The following TASP1 variants were observed in gnomAD, a reference collection of about 807,000 sequenced individuals.
TASP1 encodes the protein taspase 1, also known as threonine aspartase 1.
Under a neutral mutation model 56.6 loss-of-function variants are expected in TASP1, and 16 were observed. The observed-to-expected ratio is 0.28, with a 90% confidence interval of 0.19 to 0.43. The LOEUF (loss-of-function observed/expected upper bound fraction) is 0.43, where lower values mean the gene tolerates loss of function less well. Among genes scored for constraint, TASP1 ranks in the 20% least tolerant of loss-of-function variants. TASP1 has a pLI of 1.00. For synonymous variants in TASP1, 179 were observed against 184.2 expected (o/e 0.97, Z 0.23); for missense variants, 393 against 511.6 (o/e 0.77, Z 2.24).
the TASP1 span, among the ~76,000 whole-genome samples, chr20:13,125,021 C>T: frequency 6.6e-6 from 1 of 152,174 alleles, no homozygotes; most frequent in Non-Finnish European, 1.5e-5. Context: ...TTAAAGACCC[C>T]ACTGCTAATG....
In TASP1 at chr20:13,560,057, T is replaced by A. The variant is rs921159676; in HGVS notation, c.569-943A>T. On this transcript the variant is annotated intron_variant, in intron 7 of 13. Coordinates refer to ENST00000337743, the MANE Select transcript of TASP1 (RefSeq NM_017714.3). ...AAGATGATAAACTGACTAGGCTGAA[T>A]TGAAGAACAAATAGAGCTTCAATCA... 2.0e-5 allele frequency among the ~76,000 whole-genome samples: 3 copies of A among 152,164 alleles called. No individual in the cohort carries two copies. The South Asian group carries it at 6.2e-4, about 31-fold the overall frequency.
chr20:13,581,031 T>C (rs750015773), intron 5 of TASP1, 50 bp from the exon 6 acceptor site: 30 of 1,550,666 alleles, frequency 1.9e-5, no homozygotes, highest in East Asian at 1.6e-4. Context: ...AAATGTCTTC[T>C]AGTTTCCCAC....
chr20:13,294,819 G>A, the TASP1 span, among the ~76,000 whole-genome samples: 1 of 152,172 alleles, frequency 6.6e-6, no homozygotes, highest in Non-Finnish European at 1.5e-5. Flanking sequence ...GCAACTTTAT[G>A]AGAGAAGTGC....
the TASP1 span, among the ~76,000 whole-genome samples, chr20:13,200,733 C>T: frequency 6.6e-6 from 1 of 152,110 alleles, no homozygotes; most frequent in Non-Finnish European, 1.5e-5. Flanking sequence ...AAGAAGAAAA[C>T]TAACATTGGA....
intron 13 of TASP1, among the ~76,000 whole-genome samples, chr20:13,416,502 TAGTC>T (rs1425309623): frequency 6.6e-6 from 1 of 152,200 alleles, no homozygotes; most frequent in Non-Finnish European, 1.5e-5. Flanking sequence ...ATACAAAGGA[TAGTC>T]AGGATAGGTA....
chr20:13,407,649 C>T (rs12481291), intron 13 of TASP1, among the ~76,000 whole-genome samples: 1 of 152,130 alleles, frequency 6.6e-6, no homozygotes, highest in Admixed American at 6.5e-5. Flanking sequence ...TGAGGAACTG[C>T]CAAACTGTTG....
chr20:13,385,167 T>C (rs969898318), downstream of TASP1, among the ~76,000 whole-genome samples: 3 of 152,242 alleles, frequency 2.0e-5, no homozygotes, highest in African/African-American at 7.2e-5. Flanking sequence ...AATGTGTTCG[T>C]GACACAGGAC....
chr20:13,261,611 T>C, the TASP1 span, among the ~76,000 whole-genome samples: 1 of 152,166 alleles, frequency 6.6e-6, no homozygotes, highest in Non-Finnish European at 1.5e-5. Context: ...GACCCAGACC[T>C]TGAAACTCCT....
chr20:13,452,535 T>C (rs543040630), intron 11 of TASP1, among the ~76,000 whole-genome samples: 5 of 152,016 alleles, frequency 3.3e-5, no homozygotes, highest in Non-Finnish European at 7.4e-5. Flanking sequence ...AATTCATATA[T>C]ATACATATTC....
At chr20:13,595,631 G>T (rs1387438883) in intron 4 of TASP1, among the ~76,000 whole-genome samples, 5 of 152,090 alleles carry the variant, frequency 3.3e-5, no homozygotes, top group Non-Finnish European at 7.4e-5. Flanking sequence ...GACAAAGAAG[G>T]CCATTACATA....
the TASP1 span, among the ~76,000 whole-genome samples, chr20:13,258,644 C>T: frequency 1.3e-5 from 2 of 152,016 alleles, no homozygotes; most frequent in South Asian, 2.1e-4. Context: ...TCTCTTTTCT[C>T]GAACCTCAGT....
the TASP1 span, chr20:13,159,988 TTGC>T: frequency 6.5e-7 from 1 of 1,531,700 alleles, no homozygotes; most frequent in South Asian, 1.3e-5. Context: ...TTTTCTTTTT[TTGC>T]TTTTCCTTAA....
chr20:13,241,938 G>A, the TASP1 span, among the ~76,000 whole-genome samples: 13 of 152,188 alleles, frequency 8.5e-5, no homozygotes, highest in East Asian at 1.9e-4. Flanking sequence ...GGCAAGCAGA[G>A]TTGAGGGCCG....
chr20:13,425,899 T>C (rs1229875582), intron 12 of TASP1, among the ~76,000 whole-genome samples: 1 of 152,192 alleles, frequency 6.6e-6, no homozygotes, highest in African/African-American at 2.4e-5. Flanking sequence ...ATTATGGCCA[T>C]GAAGAAACTT....
intron 1 of TASP1, among the ~76,000 whole-genome samples, chr20:13,633,157 T>C (rs971419002): frequency 6.6e-6 from 1 of 152,222 alleles, no homozygotes; most frequent in South Asian, 2.1e-4. Flanking sequence ...TTGGAAACAA[T>C]GAGAAAACTT....
At chr20:13,230,766 G>GA in the TASP1 span, among the ~76,000 whole-genome samples, 158 of 149,150 alleles carry the variant, frequency 1.1e-3, no homozygotes, top group Non-Finnish European at 1.6e-3. Context: ...GAAAAGAAAA[G>GA]AAAAAAAAAC....
At chr20:13,562,771 A>G (rs1276663768) in intron 7 of TASP1, among the ~76,000 whole-genome samples, 1 of 151,232 alleles carries the variant, frequency 6.6e-6, no homozygotes, top group Non-Finnish European at 1.5e-5. Context: ...CAGCTACTCC[A>G]GCAGCTGAGA....
At chr20:13,368,651 C>G in the TASP1 span, 1 of 152,212 alleles carries the variant, frequency 6.6e-6, no homozygotes, top group Non-Finnish European at 1.5e-5. Flanking sequence ...CTGATCCACA[C>G]TGGAAACAGT....
chr20:13,609,686 C>CAA (rs71188167), intron 4 of TASP1, among the ~76,000 whole-genome samples: 4,337 of 49,320 alleles, frequency 0.088, 127 homozygotes, highest in African/African-American at 0.13. Flanking sequence ...AACTCTGTCT[C>CAA]AAAAAAAAAA....
Sources: allele counts gnomAD v4.1 joint callset (sites outside exome capture counted in the v4.1 genomes callset), GRCh38; gene constraint gnomAD v4.1.1; transcripts MANE v1.5; gene names NCBI Gene and HGNC (gene_info 2026-07-23, HGNC 2026-07-21).